SLC16A9: variants seen among roughly 807,000 people sequenced by gnomAD.
SLC16A9 encodes the protein solute carrier family 16 member 9, also known as monocarboxylate transporter 9.
Under a neutral mutation model 44.3 loss-of-function variants are expected in SLC16A9, and 26 were observed. That is an observed-to-expected ratio of 0.59 (90% CI 0.43 to 0.81). SLC16A9 has a LOEUF of 0.81. Ranked by LOEUF, SLC16A9 falls within the 40% of genes least tolerant of loss-of-function variation. The pLI, the probability that SLC16A9 is intolerant of heterozygous loss-of-function variation, is 0.00. For missense variants in SLC16A9, 559 were observed against 595.8 expected (o/e 0.94, Z 0.64); for synonymous variants, 230 against 225.1 (o/e 1.02, Z -0.19).
At chr10:59,652,978 G>C in intron 5 of SLC16A9, 28 bp from the exon 6 acceptor site, 5 of 1,575,116 alleles carry the variant, frequency 3.2e-6, no homozygotes, top group Non-Finnish European at 4.3e-6. Flanking sequence ...AAAAAAGTAA[G>C]TTTCATGGAA....
Position 59,705,654 on chromosome 10 carries a change from G to A in SLC16A9, c.-37+3825C>T, listed in dbSNP as rs1192888364. 2.0e-5 allele frequency among the ~76,000 whole-genome samples: 3 copies of A among 152,286 alleles called. No homozygotes were observed. The East Asian group carries it at 5.8e-4, about 29-fold the overall frequency. ...AGCTATTAATATCATAGGAATGCAGGTTTGGGGGTAAAACACTGTTGGATT... is the reference window on the plus strand; with the variant it reads ...AGCTATTAATATCATAGGAATGCAGATTTGGGGGTAAAACACTGTTGGATT... On this transcript the variant is annotated intron_variant, in intron 1 of 5. Coordinates refer to ENST00000395348, the MANE Select transcript of SLC16A9 (RefSeq NM_194298.3).
chr10:59,671,746 T>C (rs1343290538), intron 3 of SLC16A9, among the ~76,000 whole-genome samples: 1 of 152,114 alleles, frequency 6.6e-6, no homozygotes, highest in African/African-American at 2.4e-5. Flanking sequence ...AAATCCCATA[T>C]AAATGGACTA....
Position 59,653,800 on chromosome 10 carries a change from G to A in SLC16A9, c.1226C>T (p.Thr409Ile). The A allele has an allele frequency of 6.8e-6, 11 of 1,614,072 alleles. 1 individual carries two copies. In the South Asian group the frequency reaches 1.2e-4, roughly 18 times the overall value. Residue 409 changes from threonine (T) to isoleucine (I), a missense_variant, in exon 5 of 6, where the codon ACT (threonine) becomes ATT (isoleucine). Thr to Ile is a moderately conservative substitution (Grantham distance 89). Coordinates refer to ENST00000395348, the MANE Select transcript of SLC16A9 (RefSeq NM_194298.3). Reference sequence around the variant, plus strand: ...ATATGGAAAGATGGACCAATTACCAGTAAGAAACCCTAGGATCCCAGAAAG... The same window carrying A: ...ATATGGAAAGATGGACCAATTACCAATAAGAAACCCTAGGATCCCAGAAAG... ...ALLSGILGFL[T>I]GNWSIFPYVT...
intron 2 of SLC16A9, among the ~76,000 whole-genome samples, chr10:59,681,836 TATG>T (rs1226523337): frequency 0.02 from 382 of 19,056 alleles, 37 homozygotes; most frequent in African/African-American, 0.045. Context: ...TGTATATGTA[TATG>T]ATGTATATGT....
chr10:59,671,876 T>G (rs1839758138), intron 3 of SLC16A9, among the ~76,000 whole-genome samples: 1 of 152,208 alleles, frequency 6.6e-6, no homozygotes, highest in Non-Finnish European at 1.5e-5. Flanking sequence ...TGGGTTCTTG[T>G]GAAGAGGAAA....
intron 5 of SLC16A9, 73 bp from the exon 6 acceptor site, chr10:59,653,023 TCA>T (rs1839245940): frequency 8.5e-7 from 1 of 1,181,506 alleles, no homozygotes; most frequent in Admixed American, 2.5e-5. Flanking sequence ...CCTAATTATA[TCA>T]GTTTTATATA....
intron 2 of SLC16A9, among the ~76,000 whole-genome samples, chr10:59,674,573 A>G (rs1839819803): frequency 6.6e-6 from 1 of 152,222 alleles, no homozygotes. Context: ...GGCTGTCTGT[A>G]CACCCAATGA....
intron 1 of SLC16A9, among the ~76,000 whole-genome samples, chr10:59,703,004 A>C (rs903408201): frequency 6.6e-6 from 1 of 152,242 alleles, no homozygotes; most frequent in African/African-American, 2.4e-5. Flanking sequence ...ATTCTTTCAC[A>C]TTAAGATGGA....
intron 4 of SLC16A9, among the ~76,000 whole-genome samples, chr10:59,657,607 T>C (rs1342948383): frequency 1.3e-5 from 2 of 152,210 alleles, no homozygotes; most frequent in Non-Finnish European, 2.9e-5. Flanking sequence ...CAGGCCCCTA[T>C]GCCCTCCTCT....
intron 4 of SLC16A9, among the ~76,000 whole-genome samples, chr10:59,660,611 C>G (rs549905999): frequency 2.0e-5 from 3 of 152,130 alleles, no homozygotes; most frequent in South Asian, 2.1e-4. Context: ...TAAAACTATT[C>G]CAAACAATAG....
intron 1 of SLC16A9, among the ~76,000 whole-genome samples, chr10:59,687,820 G>A (rs117935923): frequency 0.017 from 2,635 of 152,122 alleles, 27 homozygotes; most frequent in Non-Finnish European, 0.029. Flanking sequence ...AAATTAGACT[G>A]GTGTGGTGGT....
intron 1 of SLC16A9, among the ~76,000 whole-genome samples, chr10:59,704,700 C>CT (rs1194514260): frequency 2.0e-5 from 3 of 152,328 alleles, no homozygotes; most frequent in African/African-American, 4.8e-5. Flanking sequence ...GGTCACTGGA[C>CT]TGCCAGGCTC....
At position 59,653,900 on chromosome 10, in the gene SLC16A9, C is replaced by T; in HGVS notation, c.1126G>A (p.Val376Ile). 1 of 1,614,148 alleles carries T rather than the reference C, an allele frequency of 6.2e-7. No individual in the cohort carries two copies. The highest frequency in any genetic ancestry group is 8.5e-7 in the Non-Finnish European group (1 of 1,180,036). The change falls in exon 5 of 6, where the codon GTT (valine) becomes ATT (isoleucine). Residue 376 changes from valine to isoleucine, a missense_variant. Physicochemically the swap from Val to Ile is conservative, Grantham distance 29. Transcript: ENST00000395348. ...AGGCCCATGATGATTAAGGTAGCAA[C>T]ATAAAGATACAAGGTATTAATCCAC... ...FKWINTLYLY[V>I]ATLIIMGLAL...
At chr10:59,700,020 T>TA (rs1171028486) in intron 1 of SLC16A9, among the ~76,000 whole-genome samples, 4 of 151,956 alleles carry the variant, frequency 2.6e-5, no homozygotes, top group African/African-American at 9.7e-5. Flanking sequence ...TCTCTTAGAA[T>TA]AATTTCCTGA....
In SLC16A9 at chr10:59,654,174, C is replaced by T. The variant is rs1398861055; in HGVS notation, c.852G>A (p.Lys284=). ...AGTTTTTATATAACTGCCACTTCCT[C>T]TTGGCAAGCTGTTTGCAAAAATATG... is the stretch of plus-strand genomic sequence containing the variant. ...EQTYFCKQLA[K]RKWQLYKNYC... is the part of the protein sequence containing the mutation. The change falls in exon 5 of 6, where the codon AAG becomes AAA. Residue 284 remains lysine (K), a synonymous_variant. Transcript: ENST00000395348. The T allele has an allele frequency of 6.2e-7, 1 of 1,614,066 alleles. No homozygotes were observed. The highest frequency in any genetic ancestry group is 8.5e-7 in the Non-Finnish European group (1 of 1,180,006).
chr10:59,707,876 C>A (rs113365596), intron 1 of SLC16A9, among the ~76,000 whole-genome samples: 28 of 152,276 alleles, frequency 1.8e-4, no homozygotes, highest in African/African-American at 6.5e-4. Flanking sequence ...AGACACCAAC[C>A]AATTCACACC....
Position 59,652,878 on chromosome 10 carries a change from C to T in SLC16A9, c.1424G>A (p.Gly475Asp), listed in dbSNP as rs1588956451. The T allele has an allele frequency of 2.5e-6, 4 of 1,613,896 alleles. No homozygotes were observed. The highest frequency in any genetic ancestry group is 3.4e-6 in the Non-Finnish European group (4 of 1,179,950). The change falls in exon 6 of 6, where the codon GGT becomes GAT. Residue 475 changes from glycine (G) to aspartate (D), a missense_variant. By Grantham distance (94) the Gly-to-Asp change is moderately conservative. Coordinates refer to ENST00000395348, the MANE Select transcript of SLC16A9 (RefSeq NM_194298.3). ...YFSGFCVLLG[G>D]FILLLAALPS... is the part of the protein sequence containing the mutation. Reference sequence around the variant, plus strand: ...CAAGGCTGCCAGCAGCAGAATAAAACCTCCCAGCAGGACGCAGAAGCCACT... The same window carrying T: ...CAAGGCTGCCAGCAGCAGAATAAAATCTCCCAGCAGGACGCAGAAGCCACT...
intron 1 of SLC16A9, among the ~76,000 whole-genome samples, chr10:59,700,274 CA>C (rs1422600838): frequency 6.6e-6 from 1 of 152,134 alleles, no homozygotes; most frequent in Non-Finnish European, 1.5e-5. Flanking sequence ...TGTTGCAGTA[CA>C]GTTATTAGGG....
At chr10:59,697,785 A>G (rs1588996074) in intron 1 of SLC16A9, among the ~76,000 whole-genome samples, 1 of 150,594 alleles carries the variant, frequency 6.6e-6, no homozygotes, top group East Asian at 1.9e-4. Flanking sequence ...AAATAAAAAA[A>G]TAAAAAAAAG....
Sources: gnomAD v4.1 joint callset for allele counts (sites outside exome capture counted in the v4.1 genomes callset) on GRCh38, gnomAD v4.1.1 for gene constraint, MANE v1.5 for transcripts, NCBI Gene and HGNC (gene_info 2026-07-23, HGNC 2026-07-21) for gene names.